SNX29: variants seen among roughly 807,000 people sequenced by gnomAD.
SNX29 encodes sorting nexin-29.
Under a neutral mutation model 102.1 loss-of-function variants are expected in SNX29, and 78 were observed. That is an observed-to-expected ratio of 0.76 (90% confidence interval 0.64 to 0.92). SNX29 has a LOEUF of 0.92. SNX29 is among the 40% of genes least tolerant of loss of function. SNX29 has a pLI of 0.00. For missense variants in SNX29, 1,280 were observed against 1,061.7 expected, an observed-to-expected ratio of 1.21 and a Z score of -2.86; for synonymous variants, 580 against 414.5, an observed-to-expected ratio of 1.40 and a Z score of -4.85.
chr16:12,539,989 A>G (rs1328951332), intron 20 of SNX29, among the ~76,000 whole-genome samples: 1 of 152,156 alleles, frequency 6.6e-6, no homozygotes, highest in Non-Finnish European at 1.5e-5. Flanking sequence ...TCTAGTCTTC[A>G]GCTTCTTTTC....
intron 14 of SNX29, among the ~76,000 whole-genome samples, chr16:12,234,822 A>G (rs1480184562): frequency 6.6e-6 from 1 of 152,200 alleles, no homozygotes; most frequent in Non-Finnish European, 1.5e-5. Flanking sequence ...GCCTACTGGC[A>G]TCATAGGCAC....
intron 19 of SNX29, among the ~76,000 whole-genome samples, chr16:12,480,979 C>G (rs1209573894): frequency 1.3e-5 from 2 of 152,100 alleles, no homozygotes; most frequent in Non-Finnish European, 2.9e-5. Flanking sequence ...GAGGAGAGAA[C>G]TGAGTCTGCT....
intron 15 of SNX29, among the ~76,000 whole-genome samples, chr16:12,322,669 G>A (rs185750575): frequency 1.1e-4 from 17 of 152,046 alleles, no homozygotes; most frequent in African/African-American, 4.1e-4. Flanking sequence ...CAGTCACTGG[G>A]GACTACCATT....
intron 14 of SNX29, among the ~76,000 whole-genome samples, chr16:12,201,164 G>A (rs2076905388): frequency 6.6e-6 from 1 of 152,140 alleles, no homozygotes; most frequent in Non-Finnish European, 1.5e-5. Flanking sequence ...TGGTCATTCT[G>A]GAGTTATCAG....
intron 18 of SNX29, among the ~76,000 whole-genome samples, chr16:12,450,972 G>T (rs959920644): frequency 3.3e-5 from 5 of 152,020 alleles, no homozygotes; most frequent in Non-Finnish European, 5.9e-5. Flanking sequence ...CCACCAAGCA[G>T]TTGAGTCAGG....
chr16:12,398,481 G>A lies in SNX29; in HGVS notation c.1935G>A (p.Gln645=), dbSNP rs1167483852. ...PGDLSQTSED[Q]SLSDFEISNR... The stretch of plus-strand genomic sequence containing the variant: ...ATTTGAGTCAAACGTCCGAAGACCA[G>A]AGTTTGTCGGATTTTGAAATGTAAG... The change falls in exon 17 of 21, where the codon CAG becomes CAA. Residue 645 remains glutamine, a synonymous_variant. Coordinates refer to ENST00000566228, the MANE Select transcript of SNX29 (RefSeq NM_032167.5). The A allele has an allele frequency of 6.2e-7, 1 of 1,613,992 alleles. No individual in the cohort carries two copies. Among genetic ancestry groups the A allele is most frequent in the Non-Finnish European group, 8.5e-7 (1 of 1,179,880 alleles).
chr16:12,385,134 G>A (rs1384235560), intron 16 of SNX29, among the ~76,000 whole-genome samples: 1 of 152,186 alleles, frequency 6.6e-6, no homozygotes, highest in Non-Finnish European at 1.5e-5. Context: ...TCGCGCCACT[G>A]CACTCCAGCC....
At chr16:12,354,519 A>C (rs1042681133) in intron 15 of SNX29, among the ~76,000 whole-genome samples, 1 of 152,252 alleles carries the variant, frequency 6.6e-6, no homozygotes. Flanking sequence ...ACTGCAAAAC[A>C]AAACAGAAAC....
At chr16:12,514,276 A>G (rs956005406) in intron 19 of SNX29, among the ~76,000 whole-genome samples, 1 of 152,154 alleles carries the variant, frequency 6.6e-6, no homozygotes, top group Non-Finnish European at 1.5e-5. Context: ...CCTTGGGGAA[A>G]GTCCAGATTC....
intron 20 of SNX29, among the ~76,000 whole-genome samples, chr16:12,539,468 C>G (rs915166169): frequency 4.6e-5 from 7 of 152,186 alleles, no homozygotes; most frequent in African/African-American, 1.7e-4. Flanking sequence ...AATGGATATA[C>G]CACGGTTTAT....
At chr16:12,340,480 T>G (rs1012285963) in intron 15 of SNX29, among the ~76,000 whole-genome samples, 2 of 152,188 alleles carry the variant, frequency 1.3e-5, no homozygotes, top group South Asian at 2.1e-4. Context: ...CATGTAATAG[T>G]AAGGATGGAT....
At chr16:12,027,489 C>T in intron 4 of SNX29, 45 bp downstream of exon 4, 1 of 1,605,742 alleles carries the variant, frequency 6.2e-7, no homozygotes, top group Non-Finnish European at 8.5e-7. Context: ...TGTCTTCCTT[C>T]TGCTCTTTTT....
At chr16:12,467,615 C>CGTTCGTTT (rs879621612) in intron 18 of SNX29, among the ~76,000 whole-genome samples, 4,990 of 140,096 alleles carry the variant, frequency 0.036, 217 homozygotes, top group East Asian at 0.21. Flanking sequence ...TTCGTTTGTT[C>CGTTCGTTT]GTTCGTTAGT....
At chr16:12,272,887 G>A (rs1449486803) in intron 14 of SNX29, among the ~76,000 whole-genome samples, 2 of 152,090 alleles carry the variant, frequency 1.3e-5, no homozygotes, top group East Asian at 1.9e-4. Context: ...CGTGGAAGAG[G>A]AAGGGTAACT....
chr16:12,236,635 G>C (rs559351119), intron 14 of SNX29, among the ~76,000 whole-genome samples: 2 of 152,296 alleles, frequency 1.3e-5, no homozygotes, highest in African/African-American at 4.8e-5. Context: ...ACCGCCATCT[G>C]TCCCACTGTG....
chr16:12,127,215 C>T (rs1473973172), intron 12 of SNX29, among the ~76,000 whole-genome samples: 54 of 150,148 alleles, frequency 3.6e-4, no homozygotes, highest in Non-Finnish European at 6.5e-4. Flanking sequence ...GCCGAGATTA[C>T]GCCATTGCAC....
chr16:12,253,714 G>C (rs1342062428), intron 14 of SNX29, among the ~76,000 whole-genome samples: 1 of 152,186 alleles, frequency 6.6e-6, no homozygotes, highest in Non-Finnish European at 1.5e-5. Context: ...GGTGAGGTTG[G>C]TAGGCAGGGA....
In SNX29 at chr16:12,087,931, T is replaced by A. The variant is rs74613460; in HGVS notation, c.1402+9016T>A. On this transcript the variant is annotated intron_variant, in intron 11 of 20. Transcript: ENST00000566228. ...GGTGGAGCTGCTGCCGCCTCTGCAA[T>A]ACGCTTTTGAAGGAGGACCTGTTGG... is the stretch of plus-strand genomic sequence containing the variant. 1,540 of 456,772 alleles carry A rather than the reference T, an allele frequency of 3.4e-3. 23 individuals carry two copies. Among genetic ancestry groups the A allele is most frequent in the African/African-American group, 0.028 (1,409 of 50,192 alleles). 28.3% of individuals were successfully genotyped at this position (456,772 alleles called of 1,614,324 possible). A position where few individuals can be genotyped will look rare whatever the true frequency, so the allele number is the denominator to read the frequency against.
intron 10 of SNX29, among the ~76,000 whole-genome samples, chr16:12,077,386 G>T (rs1242364305): frequency 7.0e-6 from 1 of 142,786 alleles, no homozygotes; most frequent in Non-Finnish European, 1.5e-5. Context: ...TCCTAGTCAT[G>T]GTGTGTGTGT....
Sources: gnomAD v4.1 joint callset for allele counts (sites outside exome capture counted in the v4.1 genomes callset) on GRCh38, gnomAD v4.1.1 for gene constraint, MANE v1.5 for transcripts, NCBI Gene and HGNC (gene_info 2026-07-23, HGNC 2026-07-21) for gene names.